RBM4: variants seen among roughly 807,000 people sequenced by gnomAD.
The protein encoded by RBM4 is RNA-binding protein 4.
In RBM4, 7 loss-of-function variants were observed where a neutral mutation model predicts 29.5. The ratio of observed to expected loss-of-function variants is 0.24; its 90% CI spans 0.14 to 0.45. RBM4 has a LOEUF of 0.45. RBM4 is among the 20% of genes least tolerant of loss of function. The pLI is 1.00. For missense variants in RBM4, 387 were observed against 502.3 expected, an observed-to-expected ratio of 0.77 and a Z score of 2.19; for synonymous variants, 220 against 205.4, an observed-to-expected ratio of 1.07 and a Z score of -0.61.
chr11:66,646,131 C>G lies in RBM4; in HGVS notation c.*113C>G. 1 of 1,533,094 alleles carries G rather than the reference C, an allele frequency of 6.5e-7. No homozygotes were observed. Among genetic ancestry groups the G allele is most frequent in the South Asian group, 1.2e-5 (1 of 83,890 alleles). 95.0% of individuals were successfully genotyped at this position (1,533,094 alleles called of 1,614,324 possible). ...GTTCTCGGCTCTGTGCGTTCAGTCC[C>G]TCAGGAACCGTGGACCTTAATTTAC... On this transcript the variant is annotated 3_prime_UTR_variant, in exon 4 of 4. Transcript: ENST00000310092.
chr11:66,662,783 A>T (rs901972042), intron 2 of RBM4, among the ~76,000 whole-genome samples: 1 of 152,186 alleles, frequency 6.6e-6, no homozygotes, highest in South Asian at 2.1e-4. Context: ...AAAACCTGCA[A>T]ATTTTTTTTC....
At chr11:66,649,449 C>T (rs573642278), downstream of RBM4, among the ~76,000 whole-genome samples, 1 of 152,294 alleles carries the variant, frequency 6.6e-6, no homozygotes, top group East Asian at 1.9e-4. Flanking sequence ...GAGGCTGAAG[C>T]GGGAGGATAG....
chr11:66,649,147 C>A, downstream of RBM4, among the ~76,000 whole-genome samples: 1 of 152,022 alleles, frequency 6.6e-6, no homozygotes, highest in East Asian at 1.9e-4. Context: ...GCTGGGATTA[C>A]AGGCGCCTGC....
At chr11:66,644,255 A>G in intron 3 of RBM4, 115 bp downstream of exon 3, 1 of 1,393,206 alleles carries the variant, frequency 7.2e-7, no homozygotes, top group Non-Finnish European at 9.6e-7. Context: ...GGGGAAGGTT[A>G]CTAGGATGGC....
At position 66,646,068 on chromosome 11, in the gene RBM4, A is replaced by G; in HGVS notation, c.*50A>G. The G allele has an allele frequency of 1.3e-6, 2 of 1,536,076 alleles. No individual in the cohort carries two copies. Among genetic ancestry groups the G allele is most frequent in the Non-Finnish European group, 1.7e-6 (2 of 1,146,904 alleles). On this transcript the variant is annotated 3_prime_UTR_variant, in exon 4 of 4. Coordinates refer to ENST00000310092, the MANE Select transcript of RBM4 (RefSeq NM_002896.4). ...CTGAAATTCCGAGCTGCGGTTGTGC[A>G]TGAGAATACACCCTTCGTGGTACCC...
rs775441815 is a variant in RBM4, at chr11:66,640,020, G to A, written c.309G>A (p.Pro103=). The A allele has an allele frequency of 3.1e-5, 50 of 1,614,024 alleles. No homozygotes were observed. The highest frequency in any genetic ancestry group is 6.7e-5 in the African/African-American group (5 of 74,876). The change falls in exon 2 of 4, where the codon CCG becomes CCA. Residue 103 remains proline, a synonymous_variant. Coordinates refer to ENST00000310092, the MANE Select transcript of RBM4 (RefSeq NM_002896.4). Reference sequence around the variant, plus strand: ...GAGCCAAGTTTGAGGAGTATGGTCCGGTCATCGAATGTGACATCGTGAAAG... The same window carrying A: ...GAGCCAAGTTTGAGGAGTATGGTCCAGTCATCGAATGTGACATCGTGAAAG... ...ELRAKFEEYG[P]VIECDIVKDY...
chr11:66,649,790 T>C (rs1427085016), downstream of RBM4: 4 of 701,408 alleles, frequency 5.7e-6, no homozygotes, highest in Non-Finnish European at 7.8e-6. Flanking sequence ...TAGCTCACTG[T>C]AACTTTGAAC....
At chr11:66,659,926 G>C (rs1939041561) in intron 2 of RBM4, among the ~76,000 whole-genome samples, 1 of 151,966 alleles carries the variant, frequency 6.6e-6, no homozygotes, top group Admixed American at 6.6e-5. Flanking sequence ...ATGTAAATCA[G>C]ATGTTTCTTT....
intron 2 of RBM4, among the ~76,000 whole-genome samples, chr11:66,662,973 T>C (rs1314265915): frequency 6.6e-6 from 1 of 152,234 alleles, no homozygotes; most frequent in East Asian, 1.9e-4. Context: ...TTCTGTAGAT[T>C]GTCAGACCAT....
chr11:66,665,629 T>A, intron 2 of RBM4: 1 of 1,535,484 alleles, frequency 6.5e-7, no homozygotes, highest in South Asian at 1.2e-5. Context: ...GAGAGCAGCC[T>A]GGCTCCGCGT....
chr11:66,660,712 G>A (rs910852928), intron 2 of RBM4, among the ~76,000 whole-genome samples: 3 of 151,284 alleles, frequency 2.0e-5, no homozygotes, highest in African/African-American at 7.3e-5. Context: ...GGAGTGCAGT[G>A]GTGCGATCTC....
Position 66,663,972 on chromosome 11 carries a change from TC to T in RBM4, c.413-1882del, listed in dbSNP as rs1321916026. Among the ~76,000 whole-genome samples the T allele has an allele frequency of 2.0e-5, 3 of 152,010 alleles. No individual in the cohort carries two copies. In the East Asian group the frequency reaches 5.8e-4, roughly 29 times the overall value. On this transcript the variant is annotated intron_variant, in intron 2 of 2. Transcript: ENST00000396053. The stretch of plus-strand genomic sequence containing the variant: ...CAGTGTCTCAAGAATCTGGCTAACT[TC>T]CTACCACCTATTACTGAAGCCACAG...
Position 66,643,799 on chromosome 11 carries a change from A to G in RBM4, c.762A>G (p.Gln254=), listed in dbSNP as rs747829044. The change falls in exon 3 of 4, where the codon CAA becomes CAG. Residue 254 remains glutamine (Q), a synonymous_variant. Transcript: ENST00000310092. This position sits in a 1 kb window ranked among gnomAD's most constrained non-coding sequence, Gnocchi z 6.1. ...YAEQTLSQLP[Q]VQNTAMASHL... Reference sequence around the variant, plus strand: ...AGCAGACCCTGTCCCAGCTGCCACAAGTCCAGAATACAGCCATGGCCAGTC... The same window carrying G: ...AGCAGACCCTGTCCCAGCTGCCACAGGTCCAGAATACAGCCATGGCCAGTC... The G allele has an allele frequency of 1.9e-6, 3 of 1,614,058 alleles. No individual in the cohort carries two copies. The highest frequency in any genetic ancestry group is 1.1e-5 in the South Asian group (1 of 91,084).
At position 66,643,745 on chromosome 11, in the gene RBM4, T is replaced by C. The variant is rs760058622; in HGVS notation, c.708T>C (p.Ala236=). The part of the protein sequence containing the change: ...RAARSYEAVA[A]AAASVYNYAE... ...CCCGGTCCTATGAGGCAGTGGCAGC[T>C]GCAGCTGCCTCCGTGTATAATTACG... Residue 236 remains alanine, a synonymous_variant, in exon 3 of 4, where the codon GCT becomes GCC. Coordinates refer to ENST00000310092, the MANE Select transcript of RBM4 (RefSeq NM_002896.4). The surrounding 1 kb of genome is among the most constrained non-coding windows in gnomAD (Gnocchi z 6.1). 16 of 1,614,066 alleles carry C rather than the reference T, an allele frequency of 9.9e-6. No homozygotes were observed. In the South Asian group the frequency reaches 1.3e-4, roughly 13 times the overall value.
At position 66,643,978 on chromosome 11, in the gene RBM4, C is replaced by T; in HGVS notation, c.941C>T (p.Ala314Val). ...YGRDRSPLRR[A>V]TAPVPTVGEG... The stretch of plus-strand genomic sequence containing the variant: ...CGGGATCGGAGCCCCCTGCGTCGCG[C>T]TACAGCCCCAGTCCCCACTGTTGGA... Residue 314 changes from alanine (A) to valine (V), a missense_variant, in exon 3 of 4, where the codon GCT (alanine) becomes GTT (valine). Transcript: ENST00000310092. This position sits in a 1 kb window ranked among gnomAD's most constrained non-coding sequence, Gnocchi z 6.1. The T allele has an allele frequency of 6.2e-7, 1 of 1,613,244 alleles. No individual in the cohort carries two copies. Among genetic ancestry groups the T allele is most frequent in the Non-Finnish European group, 8.5e-7 (1 of 1,180,028 alleles).
downstream of RBM4, among the ~76,000 whole-genome samples, chr11:66,650,141 G>A (rs1437951714): frequency 1.3e-5 from 2 of 152,214 alleles, no homozygotes; most frequent in East Asian, 1.9e-4. Context: ...TCAGTTCGGG[G>A]TGGGAATGGT....
chr11:66,645,907 G>A, intron 3 of RBM4, 120 bp from the exon 4 acceptor site: 3 of 1,497,944 alleles, frequency 2.0e-6, no homozygotes, highest in South Asian at 1.2e-5. Flanking sequence ...TGGGGGAGAA[G>A]GGTACAAGTA....
intron 2 of RBM4, among the ~76,000 whole-genome samples, chr11:66,659,036 A>T (rs556419490): frequency 4.7e-4 from 70 of 148,008 alleles, no homozygotes; most frequent in South Asian, 2.6e-3. Flanking sequence ...ATACATTAAA[A>T]TTTTTTTTTT....
At chr11:66,651,492 C>T (rs1363385833) in intron 2 of RBM4, among the ~76,000 whole-genome samples, 1 of 151,962 alleles carries the variant, frequency 6.6e-6, no homozygotes, top group East Asian at 1.9e-4. Flanking sequence ...GGACTACAGG[C>T]GCCCGCCACC....
Sources: allele counts gnomAD v4.1 joint callset (sites outside exome capture counted in the v4.1 genomes callset), GRCh38; gene constraint gnomAD v4.1.1; non-coding constraint Gnocchi (gnomAD v3.1); transcripts MANE v1.5; gene names NCBI Gene and HGNC (gene_info 2026-07-23, HGNC 2026-07-21).